ELP3: variants seen among roughly 807,000 people sequenced by gnomAD.
The protein encoded by ELP3 is elongator acetyltransferase complex subunit 3, also known as elongator complex protein 3.
ELP3 carries 56 observed loss-of-function variants against 74.9 expected under a neutral mutation model. The observed-to-expected ratio is 0.75, with a 90% confidence interval of 0.60 to 0.93. The LOEUF is 0.93. Ranked by LOEUF, ELP3 falls within the 40% of genes least tolerant of loss-of-function variation. The pLI is 0.00. For synonymous variants in ELP3, 222 were observed against 239.8 expected, an observed-to-expected ratio of 0.93 and a Z score of 0.68; for missense variants, 573 against 686.5, an observed-to-expected ratio of 0.83 and a Z score of 1.85.
chr8:28,163,520 A>G (rs1219529855), intron 14 of ELP3, among the ~76,000 whole-genome samples: 1 of 114,448 alleles, frequency 8.7e-6, no homozygotes. Flanking sequence ...ACAGATTCCT[A>G]AAGCTTTTTT....
At chr8:28,129,777 AT>A in intron 8 of ELP3, 114 bp downstream of exon 8, 1 of 1,186,534 alleles carries the variant, frequency 8.4e-7, no homozygotes, top group Non-Finnish European at 1.2e-6. Flanking sequence ...AAGTATGGGT[AT>A]TCCTCCTTTT....
intron 14 of ELP3, among the ~76,000 whole-genome samples, chr8:28,182,045 T>C (rs920139835): frequency 6.6e-6 from 1 of 152,218 alleles, no homozygotes; most frequent in African/African-American, 2.4e-5. Flanking sequence ...ATTTGTGATT[T>C]ATTTTCCCTT....
intron 10 of ELP3, among the ~76,000 whole-genome samples, chr8:28,155,052 A>T (rs1030296306): frequency 6.6e-6 from 1 of 152,222 alleles, no homozygotes; most frequent in African/African-American, 2.4e-5. Flanking sequence ...TGTATTTAAC[A>T]TTTGAAGGGA....
intron 7 of ELP3, among the ~76,000 whole-genome samples, chr8:28,128,882 T>C (rs138939683): frequency 6.6e-6 from 1 of 152,362 alleles, no homozygotes; most frequent in Non-Finnish European, 1.5e-5. Context: ...GAATCTAAAG[T>C]GGTGCTCGCT....
chr8:28,141,753 C>G (rs530795300), intron 10 of ELP3, among the ~76,000 whole-genome samples: 75 of 152,086 alleles, frequency 4.9e-4, no homozygotes, highest in Non-Finnish European at 9.1e-4. Context: ...ATACACTAGA[C>G]AACAAAGCTG....
chr8:28,146,123 T>C (rs1813421878), intron 10 of ELP3, among the ~76,000 whole-genome samples: 1 of 152,208 alleles, frequency 6.6e-6, no homozygotes, highest in African/African-American at 2.4e-5. Context: ...TTTAGTTTTA[T>C]GACAGTTGAG....
At chr8:28,106,148 T>TA (rs1308229369) in intron 3 of ELP3, among the ~76,000 whole-genome samples, 1 of 152,242 alleles carries the variant, frequency 6.6e-6, no homozygotes, top group East Asian at 1.9e-4. Context: ...TAATTTATTG[T>TA]AAAATGGAAT....
chr8:28,161,940 C>A, intron 13 of ELP3, 57 bp from the exon 14 acceptor site: 1 of 1,551,464 alleles, frequency 6.4e-7, no homozygotes, highest in Non-Finnish European at 8.9e-7. Context: ...TTTATGGACC[C>A]CTCTTAATGA....
chr8:28,092,736 G>C (rs1246624147), upstream of ELP3: 2 of 234,716 alleles, frequency 8.5e-6, no homozygotes, highest in African/African-American at 4.6e-5. Flanking sequence ...CCCTCAGTTA[G>C]TTTCCACAAC....
chr8:28,124,492 T>G (rs754924798), intron 7 of ELP3, among the ~76,000 whole-genome samples: 1 of 152,228 alleles, frequency 6.6e-6, no homozygotes, highest in Non-Finnish European at 1.5e-5. Context: ...CTAAAAGATA[T>G]GTTCACAAGT....
chr8:28,184,623 T>C (rs533130950), intron 14 of ELP3, among the ~76,000 whole-genome samples: 1 of 152,306 alleles, frequency 6.6e-6, no homozygotes, highest in East Asian at 1.9e-4. Context: ...CTGTGTTAGA[T>C]GTAAGGAACT....
At position 28,164,043 on chromosome 8, in the gene ELP3, A is replaced by G. The variant is rs543160530; in HGVS notation, c.1567+1965A>G. Among the ~76,000 whole-genome samples, 7 of 152,338 alleles carry G rather than the reference A, an allele frequency of 4.6e-5. No homozygotes were observed. The South Asian group carries it at 1.2e-3, about 27-fold the overall frequency. On this transcript the variant is annotated intron_variant, in intron 14 of 14. Transcript: ENST00000256398. The stretch of plus-strand genomic sequence containing the variant: ...AGTGCTACACTCCCAGAGTCTGATA[A>G]TAGTCAAGTGACTTTCTGGTGTCTG...
chr8:28,131,473 G>A (rs752072021), intron 8 of ELP3, among the ~76,000 whole-genome samples: 2 of 152,230 alleles, frequency 1.3e-5, no homozygotes, highest in Non-Finnish European at 2.9e-5. Context: ...GAATTGGGAA[G>A]TCATCAGCAA....
intron 2 of ELP3, among the ~76,000 whole-genome samples, chr8:28,099,046 A>G (rs761709715): frequency 5.3e-5 from 8 of 152,248 alleles, no homozygotes; most frequent in Non-Finnish European, 2.9e-5. Context: ...ACATTTGAAC[A>G]TAGCAGGTAT....
intron 1 of ELP3, among the ~76,000 whole-genome samples, chr8:28,096,091 G>A (rs1399910987): frequency 6.6e-6 from 1 of 152,150 alleles, no homozygotes; most frequent in Non-Finnish European, 1.5e-5. Context: ...ACCCTGTTGT[G>A]AACCGTGCAT....
intron 14 of ELP3, among the ~76,000 whole-genome samples, chr8:28,175,991 A>G (rs1307131127): frequency 6.6e-6 from 1 of 151,308 alleles, no homozygotes; most frequent in Non-Finnish European, 1.5e-5. Flanking sequence ...ATTTTTTTGT[A>G]TTTTTATTAG....
upstream of ELP3, chr8:28,090,482 G>GGGGT (rs1554492431): frequency 6.3e-6 from 1 of 158,730 alleles, no homozygotes; most frequent in Non-Finnish European, 1.3e-5. Context: ...CTGATGGGTG[G>GGGGT]GTGTGTGTGT....
intron 10 of ELP3, among the ~76,000 whole-genome samples, chr8:28,138,208 A>G (rs942761450): frequency 4.6e-5 from 7 of 152,122 alleles, no homozygotes. Flanking sequence ...TTCCATCTAG[A>G]TGCAGTAATG....
intron 5 of ELP3, among the ~76,000 whole-genome samples, chr8:28,109,914 T>C (rs922379936): frequency 6.6e-6 from 1 of 152,248 alleles, no homozygotes; most frequent in African/African-American, 2.4e-5. Flanking sequence ...TTGCCTTTTA[T>C]TTTACAATAT....
Sources: allele counts gnomAD v4.1 joint callset (sites outside exome capture counted in the v4.1 genomes callset), GRCh38; gene constraint gnomAD v4.1.1; transcripts MANE v1.5; gene names NCBI Gene and HGNC (gene_info 2026-07-23, HGNC 2026-07-21).